The following TMEFF2 variants were observed in gnomAD, a reference collection of about 807,000 sequenced individuals.
TMEFF2 encodes transmembrane protein with EGF like and two follistatin like domains 2.
A neutral mutation model predicts 53.8 loss-of-function variants in TMEFF2; 28 were observed. The ratio of observed to expected loss-of-function variants is 0.52; its 90% CI spans 0.39 to 0.71. The LOEUF is 0.71. TMEFF2 is among the 30% of genes least tolerant of loss of function. The pLI is 0.00. For missense variants in TMEFF2, 353 were observed against 455.2 expected, an observed-to-expected ratio of 0.78 and a Z score of 2.04; for synonymous variants, 162 against 166.3, an observed-to-expected ratio of 0.97 and a Z score of 0.20.
At chr2:192,144,983 G>A (rs1690215773) in intron 4 of TMEFF2, among the ~76,000 whole-genome samples, 1 of 151,804 alleles carries the variant, frequency 6.6e-6, no homozygotes. Flanking sequence ...ATTATTTGTT[G>A]ATATACTTGA....
At chr2:191,984,822 A>T (rs1685938423) in intron 7 of TMEFF2, among the ~76,000 whole-genome samples, 1 of 152,138 alleles carries the variant, frequency 6.6e-6, no homozygotes, top group South Asian at 2.1e-4. Context: ...GATTTAAGCC[A>T]ATCAGTGGGG....
chr2:192,055,774 C>CAAAAAAAAAAAAAAAAAAAAAAA (rs71405038), intron 5 of TMEFF2, among the ~76,000 whole-genome samples: 1 of 42,504 alleles, frequency 2.4e-5, no homozygotes, highest in Non-Finnish European at 4.6e-5. Flanking sequence ...GACTCCATCT[C>CAAAAAAAAAAAAAAAAAAAAAAA]AAAAAAAAAA....
chr2:191,979,056 A>C (rs752373235), intron 7 of TMEFF2, among the ~76,000 whole-genome samples: 1 of 152,198 alleles, frequency 6.6e-6, no homozygotes, highest in Non-Finnish European at 1.5e-5. Flanking sequence ...ACAAGGAGTT[A>C]TTTATCCCTA....
intron 4 of TMEFF2, among the ~76,000 whole-genome samples, chr2:192,117,905 C>T (rs1689452985): frequency 7.2e-6 from 1 of 139,762 alleles, no homozygotes; most frequent in South Asian, 2.3e-4. Context: ...GCTCTTGAAC[C>T]ACTTGCTCAA....
At position 191,949,254 on chromosome 2, in the gene TMEFF2, C is replaced by G. The variant is rs1449159278; in HGVS notation, c.*1057G>C. On this transcript the variant is annotated 3_prime_UTR_variant, in exon 10 of 10. Coordinates refer to ENST00000272771, the MANE Select transcript of TMEFF2 (RefSeq NM_016192.4). ...ACTTCCCAGTGAGGTCTTTCAGATGCTATAGGATTAATTTTCTTTCTTACC... is the reference window on the plus strand; with the variant it reads ...ACTTCCCAGTGAGGTCTTTCAGATGGTATAGGATTAATTTTCTTTCTTACC... The G allele has an allele frequency of 1.0e-6, 1 of 985,210 alleles. No homozygotes were observed. Among genetic ancestry groups the G allele is most frequent in the Non-Finnish European group, 1.2e-6 (1 of 829,894 alleles). The allele number at this position is 985,210 out of a possible 1,614,324, so 61.0% of individuals were successfully genotyped here.
At chr2:192,132,979 C>T (rs1306512063) in intron 4 of TMEFF2, among the ~76,000 whole-genome samples, 3 of 152,164 alleles carry the variant, frequency 2.0e-5, no homozygotes, top group Non-Finnish European at 2.9e-5. Flanking sequence ...AGTCCGTCCC[C>T]TTAATCAATA....
At chr2:191,968,756 G>A (rs984380202) in intron 7 of TMEFF2, among the ~76,000 whole-genome samples, 5 of 152,122 alleles carry the variant, frequency 3.3e-5, no homozygotes, top group Non-Finnish European at 7.3e-5. Flanking sequence ...AGTGCTTCTA[G>A]ACTCATTTCT....
At chr2:192,074,699 G>T (rs1464357795) in intron 4 of TMEFF2, among the ~76,000 whole-genome samples, 1 of 151,892 alleles carries the variant, frequency 6.6e-6, no homozygotes, top group Admixed American at 6.6e-5. Context: ...ACATGTAGCT[G>T]GTGGTTACTG....
chr2:192,105,699 T>C (rs1165703288), intron 4 of TMEFF2, among the ~76,000 whole-genome samples: 1 of 151,970 alleles, frequency 6.6e-6, no homozygotes, highest in African/African-American at 2.4e-5. Flanking sequence ...GCCATTCATG[T>C]GCCATAATAA....
Position 191,950,280 on chromosome 2 carries a change from G to A in TMEFF2, c.*31C>T, listed in dbSNP as rs370152944. 3.5e-5 allele frequency: 56 copies of A among 1,612,768 alleles called. No homozygotes were observed. In the Middle Eastern group the frequency reaches 9.9e-4, roughly 29 times the overall value. On this transcript the variant is annotated 3_prime_UTR_variant, in exon 10 of 10. Coordinates refer to ENST00000272771, the MANE Select transcript of TMEFF2 (RefSeq NM_016192.4). ...ACTGTATTGTGTAGTCCAAGCTCTCGGTAGTCCAGCCACTGTGAAACATGC... is the reference window on the plus strand; with the variant it reads ...ACTGTATTGTGTAGTCCAAGCTCTCAGTAGTCCAGCCACTGTGAAACATGC...
intron 7 of TMEFF2, 44 bp downstream of exon 7, chr2:191,998,218 T>C (rs781323837): frequency 1.4e-6 from 2 of 1,472,456 alleles, no homozygotes; most frequent in South Asian, 1.2e-5. Context: ...AGGACTCTCT[T>C]TTAATAGAAG....
intron 4 of TMEFF2, among the ~76,000 whole-genome samples, chr2:192,115,097 A>G (rs1689370579): frequency 1.3e-5 from 2 of 151,994 alleles, no homozygotes; most frequent in South Asian, 4.1e-4. Context: ...TAAAATCCAT[A>G]TGGAGCCACA....
At chr2:191,998,574 T>G (rs10184350) in intron 6 of TMEFF2, among the ~76,000 whole-genome samples, 150,199 of 151,986 alleles carry the variant, frequency 0.99, 74,245 homozygotes, top group Middle Eastern at 1. Flanking sequence ...GAAAAATTGG[T>G]CAAAGGAGTA....
At chr2:192,084,905 C>A (rs889911847) in intron 4 of TMEFF2, among the ~76,000 whole-genome samples, 1 of 152,040 alleles carries the variant, frequency 6.6e-6, no homozygotes, top group Admixed American at 6.6e-5. Context: ...CTTGTTTTAC[C>A]TACTGTTAAA....
rs529869248 is a variant in TMEFF2 at position 191,964,334 on chromosome 2, T to C, written c.746-7956A>G. Among the ~76,000 whole-genome samples the C allele has an allele frequency of 3.5e-3, 94 of 26,526 alleles. 1 individual carries two copies. The highest frequency in any genetic ancestry group is 0.012 in the African/African-American group (89 of 7,262). The allele number at this position is 26,526 out of a possible 152,430, so 17.4% of individuals were successfully genotyped here. ...TTCTTTCCTTCCTTCCTTTCTTTCC[T>C]TCTTTCTTTCTTTCTTTCTTTCTTT... On this transcript the variant is annotated intron_variant, in intron 7 of 9. Transcript: ENST00000272771.
chr2:192,166,055 A>T (rs1390696033), intron 4 of TMEFF2, among the ~76,000 whole-genome samples: 4 of 152,158 alleles, frequency 2.6e-5, no homozygotes, highest in Non-Finnish European at 5.9e-5. Flanking sequence ...AGGAAAAGGC[A>T]CCTGTTTCTA....
intron 5 of TMEFF2, among the ~76,000 whole-genome samples, chr2:192,042,274 G>A (rs1376647427): frequency 6.6e-6 from 1 of 152,128 alleles, no homozygotes; most frequent in African/African-American, 2.4e-5. Flanking sequence ...TGTGAGAATT[G>A]CCAAAATATG....
At chr2:191,953,546 C>G in intron 9 of TMEFF2, 133 bp downstream of exon 9, 1 of 912,474 alleles carries the variant, frequency 1.1e-6, no homozygotes, top group Non-Finnish European at 1.6e-6. Context: ...TACTCTTATG[C>G]TAAGGACATA....
At chr2:192,081,373 T>A (rs988611464) in intron 4 of TMEFF2, among the ~76,000 whole-genome samples, 1 of 152,210 alleles carries the variant, frequency 6.6e-6, no homozygotes. Flanking sequence ...ATTAGCAAAT[T>A]TCCGTATAAA....
Sources: allele counts gnomAD v4.1 joint callset (sites outside exome capture counted in the v4.1 genomes callset), GRCh38; gene constraint gnomAD v4.1.1; transcripts MANE v1.5; gene names NCBI Gene and HGNC (gene_info 2026-07-23, HGNC 2026-07-21).